The following PPP1R1C variants were observed in gnomAD, a reference collection of about 807,000 sequenced individuals.
The protein encoded by PPP1R1C is protein phosphatase 1 regulatory subunit 1C.
In PPP1R1C, 15 loss-of-function variants were observed where a neutral mutation model predicts 17.4. The ratio of observed to expected loss-of-function variants is 0.86; its 90% confidence interval spans 0.58 to 1.33. The LOEUF (loss-of-function observed/expected upper bound fraction) is 1.33, where lower values mean the gene tolerates loss of function less well. Among genes scored for constraint, PPP1R1C ranks in the 40% most tolerant of loss-of-function variants. The pLI, the probability that PPP1R1C is intolerant of heterozygous loss-of-function variation, is 0.00. For synonymous variants in PPP1R1C, 35 were observed against 43.1 expected (o/e 0.81, Z 0.73); for missense variants, 143 against 130.0 (o/e 1.10, Z -0.48).
rs1268939170 is a variant in PPP1R1C, at chr2:181,986,009, T to C, written c.-102T>C. On this transcript the variant is annotated 5_prime_UTR_variant, in exon 1 of 5. Transcript: ENST00000682840. ...TACAGCTATTTATTACGAAGCACTC[T>C]GTGTGGCTTAGTGGAGTGTGTCTGA... 1 of 878,418 alleles carries C rather than the reference T, an allele frequency of 1.1e-6. No individual in the cohort carries two copies. Among genetic ancestry groups the C allele is most frequent in the Non-Finnish European group, 1.9e-6 (1 of 523,024 alleles). The allele number at this position is 878,418 out of a possible 1,614,324, so 54.4% of individuals were successfully genotyped here.
At position 181,962,597 on chromosome 2, in the gene PPP1R1C, G is replaced by A; in HGVS notation, n.111+7963G>A. ...AGATCGAACAAAGCAAAGAGCGGGA[G>A]GGGCCCTTGGGCCAAGTATCAGGGC... On this transcript the variant is annotated intron_variant and non_coding_transcript_variant, in intron 1 of 5. Coordinates refer to the PPP1R1C transcript ENST00000464264. The surrounding 1 kb of genome is among the most constrained non-coding windows in gnomAD (Gnocchi z 6.0). The A allele has an allele frequency of 2.3e-6, 1 of 433,586 alleles. No homozygotes were observed. The allele number at this position is 433,586 out of a possible 1,614,324, so 26.9% of individuals were successfully genotyped here. A position where few individuals can be genotyped will look rare whatever the true frequency, so the allele number is the denominator to read the frequency against.
At chr2:182,082,469 C>T (rs1294866836) in intron 4 of PPP1R1C, among the ~76,000 whole-genome samples, 6 of 152,070 alleles carry the variant, frequency 3.9e-5, no homozygotes, top group Non-Finnish European at 7.4e-5. Context: ...GAAGGTCAAA[C>T]GGACAAGGTT....
At chr2:182,128,917 T>C (rs1689940447) in intron 5 of PPP1R1C, 1 of 152,162 alleles carries the variant, frequency 6.6e-6, no homozygotes, top group Non-Finnish European at 1.5e-5. Flanking sequence ...TGACATGGTA[T>C]TAAATCCTCT....
At chr2:182,011,999 T>C (rs908482995) in intron 2 of PPP1R1C, among the ~76,000 whole-genome samples, 6 of 152,118 alleles carry the variant, frequency 3.9e-5, no homozygotes, top group African/African-American at 1.4e-4. Flanking sequence ...TATTTCATTT[T>C]CTTTGAATTT....
At chr2:182,028,833 A>T (rs1686711086) in intron 2 of PPP1R1C, among the ~76,000 whole-genome samples, 1 of 112,340 alleles carries the variant, frequency 8.9e-6, no homozygotes, top group Non-Finnish European at 2.0e-5. Flanking sequence ...CCCATTATTA[A>T]TGTGTGGGAG....
At chr2:182,075,991 A>G (rs1462664013) in intron 4 of PPP1R1C, among the ~76,000 whole-genome samples, 1 of 151,930 alleles carries the variant, frequency 6.6e-6, no homozygotes, top group African/African-American at 2.4e-5. Flanking sequence ...AAATTAAAGT[A>G]GTTTAAATGC....
At position 181,962,521 on chromosome 2, in the gene PPP1R1C, C is replaced by T. The variant is rs1684820183; in HGVS notation, n.111+7887C>T. 1 of 627,424 alleles carries T rather than the reference C, an allele frequency of 1.6e-6. No individual in the cohort carries two copies. Among genetic ancestry groups the T allele is most frequent in the Non-Finnish European group, 2.9e-6 (1 of 342,254 alleles). 38.9% of individuals were successfully genotyped at this position (627,424 alleles called of 1,614,324 possible). On this transcript the variant is annotated intron_variant and non_coding_transcript_variant, in intron 1 of 5. Transcript: ENST00000464264. The surrounding 1 kb of genome is among the most constrained non-coding windows in gnomAD (Gnocchi z 6.0). ...GTGAGAGGACAGGACTCAGGCTTTG[C>T]CGACCCGTCATAGCAGTTTTCTAAG...
chr2:182,084,104 A>G (rs1457826408), intron 4 of PPP1R1C, among the ~76,000 whole-genome samples: 1 of 151,742 alleles, frequency 6.6e-6, no homozygotes, highest in Non-Finnish European at 1.5e-5. Context: ...CTAATTTTTA[A>G]TGGGATTATT....
At chr2:182,031,523 G>A (rs1247564244) in intron 2 of PPP1R1C, among the ~76,000 whole-genome samples, 4 of 152,172 alleles carry the variant, frequency 2.6e-5, no homozygotes, top group African/African-American at 9.6e-5. Flanking sequence ...GACTTAGGAT[G>A]TCATCATTTC....
chr2:182,094,195 A>G (rs1325894956), intron 4 of PPP1R1C, among the ~76,000 whole-genome samples: 1 of 152,202 alleles, frequency 6.6e-6, no homozygotes, highest in Admixed American at 6.5e-5. Context: ...GTGGCAGGCA[A>G]AAAAAGAGCT....
Position 182,078,754 on chromosome 2 carries a change from A to G in PPP1R1C, c.241+14963A>G, listed in dbSNP as rs540157488. On this transcript the variant is annotated intron_variant, in intron 4 of 4. Coordinates refer to ENST00000682840, the MANE Select transcript of PPP1R1C (RefSeq NM_001080545.3). ...TCTTGTTCACATCTATAATTTGAAG[A>G]TAACCTCAGAGAGTCATGTGAGTGA... Among the ~76,000 whole-genome samples, 6 of 152,368 alleles carry G rather than the reference A, an allele frequency of 3.9e-5. No individual in the cohort carries two copies. The East Asian group carries it at 5.8e-4, about 15-fold the overall frequency.
intron 2 of PPP1R1C, among the ~76,000 whole-genome samples, chr2:182,054,871 G>A (rs1265417757): frequency 5.9e-5 from 9 of 152,030 alleles, no homozygotes; most frequent in African/African-American, 1.9e-4. Flanking sequence ...ATGTTGGCTA[G>A]GCTGGTCTCG....
intron 2 of PPP1R1C, among the ~76,000 whole-genome samples, chr2:182,020,463 G>T (rs1404220098): frequency 1.3e-5 from 2 of 152,148 alleles, no homozygotes; most frequent in African/African-American, 4.8e-5. Context: ...TAAGGGTAAA[G>T]GTAAACGTTT....
downstream of PPP1R1C, among the ~76,000 whole-genome samples, chr2:182,118,871 CTCTG>C (rs373533359): frequency 6.6e-6 from 1 of 151,108 alleles, no homozygotes; most frequent in African/African-American, 2.4e-5. Context: ...CCCTCTCCTT[CTCTG>C]TCTTTCTCCA....
At chr2:182,076,652 T>G (rs1333519199) in intron 4 of PPP1R1C, among the ~76,000 whole-genome samples, 6 of 152,072 alleles carry the variant, frequency 3.9e-5, no homozygotes, top group Admixed American at 3.9e-4. Flanking sequence ...CTTGATGTAA[T>G]TCCCTCTTTG....
intron 4 of PPP1R1C, among the ~76,000 whole-genome samples, chr2:182,104,357 C>T (rs1689185660): frequency 6.6e-6 from 1 of 152,144 alleles, no homozygotes; most frequent in Admixed American, 6.5e-5. Context: ...AGGTATACTC[C>T]TTTTATACCT....
chr2:181,998,742 G>A (rs114465676), intron 2 of PPP1R1C, among the ~76,000 whole-genome samples: 2,548 of 152,258 alleles, frequency 0.017, 86 homozygotes, highest in African/African-American at 0.057. Context: ...TTCAAAATGC[G>A]TAAAGATTTC....
intron 4 of PPP1R1C, among the ~76,000 whole-genome samples, chr2:182,088,001 A>G (rs953545675): frequency 6.6e-6 from 1 of 152,208 alleles, no homozygotes; most frequent in Non-Finnish European, 1.5e-5. Context: ...TGCTGTCACC[A>G]TCTTCCAGAA....
intron 2 of PPP1R1C, among the ~76,000 whole-genome samples, chr2:181,980,755 T>C (rs1685177370): frequency 6.6e-6 from 1 of 152,122 alleles, no homozygotes; most frequent in African/African-American, 2.4e-5. Context: ...TAAAAAATAG[T>C]GTCTGCATGG....
Sources: allele counts gnomAD v4.1 joint callset (sites outside exome capture counted in the v4.1 genomes callset), GRCh38; gene constraint gnomAD v4.1.1; non-coding constraint Gnocchi (gnomAD v3.1); transcripts MANE v1.5; gene names NCBI Gene and HGNC (gene_info 2026-07-23, HGNC 2026-07-21).